The following HSFY1 variants were observed in gnomAD, a reference collection of about 807,000 sequenced individuals.
HSFY1 encodes the protein heat shock transcription factor Y-linked 1, also known as heat shock transcription factor, Y-linked.
downstream of HSFY1, among the ~76,000 whole-genome samples, chrY:18,550,399 TATACAC>T: frequency 2.4e-3 from 7 of 2,870 alleles, no homozygotes; most frequent in African/African-American, 1.0e-2. Flanking sequence ...TGTGTGTGTA[TATACAC>T]ACACACACAC....
intron 1 of HSFY1, among the ~76,000 whole-genome samples, chrY:18,561,391 CT>C (rs1251696807): frequency 5.3e-4 from 10 of 18,724 alleles, no homozygotes; most frequent in East Asian, 1.4e-3. Context: ...ACAGATTTAA[CT>C]TTTTTTTTTT....
the HSFY1 span, among the ~76,000 whole-genome samples, chrY:18,534,269 T>C: frequency 7.0e-5 from 2 of 28,502 alleles, no homozygotes; most frequent in Non-Finnish European, 1.7e-4. Context: ...AGCGTTAGGG[T>C]TTGGGTTTAC....
At chrY:18,550,401 TACAC>T (rs796809861), downstream of HSFY1, among the ~76,000 whole-genome samples, 11 of 5,238 alleles carry the variant, frequency 2.1e-3, no homozygotes, top group South Asian at 0.015. Flanking sequence ...TGTGTGTATA[TACAC>T]ACACACACAC....
intron 1 of HSFY1, among the ~76,000 whole-genome samples, chrY:18,561,255 G>GT (rs2044515843): frequency 8.4e-5 from 2 of 23,752 alleles, no homozygotes; most frequent in Non-Finnish European, 1.9e-4. Flanking sequence ...TCAGTTGAGG[G>GT]TTTTTTTTTT....
chrY:18,550,401 TACACAC>T, downstream of HSFY1, among the ~76,000 whole-genome samples: 13 of 5,246 alleles, frequency 2.5e-3, no homozygotes, highest in South Asian at 0.039. Flanking sequence ...TGTGTGTATA[TACACAC>T]ACACACACAC....
downstream of HSFY1, among the ~76,000 whole-genome samples, chrY:18,550,462 C>T (rs1191116058): frequency 0.01 from 58 of 5,537 alleles, no homozygotes; most frequent in Non-Finnish European, 0.032. Flanking sequence ...ATGTTGACTG[C>T]GGACTTACAA....
At chrY:18,550,399 TATACACAC>T (rs2044515349), downstream of HSFY1, among the ~76,000 whole-genome samples, 6 of 2,861 alleles carry the variant, frequency 2.1e-3, no homozygotes, top group African/African-American at 8.6e-3. Context: ...TGTGTGTGTA[TATACACAC>T]ACACACACAC....
At chrY:18,535,329 AG>A in the HSFY1 span, among the ~76,000 whole-genome samples, 1 of 15,361 alleles carries the variant, frequency 6.5e-5, no homozygotes, top group African/African-American at 2.6e-4. Flanking sequence ...CTTAGTGGTT[AG>A]GGTGAAGCTT....
intron 1 of HSFY1, among the ~76,000 whole-genome samples, chrY:18,561,391 C>CT (rs1251696807): frequency 3.2e-4 from 6 of 18,733 alleles, no homozygotes; most frequent in South Asian, 1.4e-3. Context: ...ACAGATTTAA[C>CT]TTTTTTTTTT....
the HSFY1 span, among the ~76,000 whole-genome samples, chrY:18,534,223 C>T: frequency 4.4e-5 from 1 of 22,616 alleles, no homozygotes; most frequent in South Asian, 1.2e-3. Flanking sequence ...AGAACTAAGG[C>T]GACAGTAAGG....
chrY:18,550,401 TACACACAC>T (rs796809861), downstream of HSFY1, among the ~76,000 whole-genome samples: 3 of 5,227 alleles, frequency 5.7e-4, no homozygotes, highest in African/African-American at 7.2e-4. Context: ...TGTGTGTATA[TACACACAC>T]ACACACACAC....
At chrY:18,531,640 G>T in the HSFY1 span, among the ~76,000 whole-genome samples, 1 of 9,043 alleles carries the variant, frequency 1.1e-4, no homozygotes, top group Non-Finnish European at 3.2e-4. Context: ...TTTATGTTAG[G>T]GTTAGATAAA....
downstream of HSFY1, among the ~76,000 whole-genome samples, chrY:18,550,401 TACACACACACACAC>T (rs796809861): frequency 0.02 from 106 of 5,240 alleles, no homozygotes; most frequent in Non-Finnish European, 0.062. Context: ...TGTGTGTATA[TACACACACACACAC>T]ACACACACAC....
the HSFY1 span, among the ~76,000 whole-genome samples, chrY:18,531,747 G>A: frequency 4.4e-5 from 1 of 22,666 alleles, no homozygotes; most frequent in Non-Finnish European, 1.1e-4. Context: ...TTTTTGAGAC[G>A]GAGTCTTGCT....
At chrY:18,561,307 A>T (rs2044515927) in intron 1 of HSFY1, among the ~76,000 whole-genome samples, 2 of 24,757 alleles carry the variant, frequency 8.1e-5, no homozygotes, top group Non-Finnish European at 1.8e-4. Flanking sequence ...TGTTTTTTTT[A>T]AAATTGGGAG....
downstream of HSFY1, among the ~76,000 whole-genome samples, chrY:18,550,433 CAT>C (rs2044515486): frequency 1.7e-3 from 12 of 7,045 alleles, no homozygotes; most frequent in African/African-American, 2.4e-3. Flanking sequence ...CACACACACA[CAT>C]GTATGTGAAT....
At chrY:18,534,386 T>G in the HSFY1 span, among the ~76,000 whole-genome samples, 1 of 6,970 alleles carries the variant, frequency 1.4e-4, no homozygotes, top group East Asian at 3.4e-3. Context: ...TCAGTGTTAG[T>G]TTTAGGGTTA....
the HSFY1 span, among the ~76,000 whole-genome samples, chrY:18,534,336 G>A: frequency 4.8e-5 from 1 of 20,842 alleles, no homozygotes; most frequent in Admixed American, 4.5e-4. Context: ...TCAGGTCCTG[G>A]TTAGGGTTTC....
At chrY:18,561,268 G>T (rs1603535940) in intron 1 of HSFY1, among the ~76,000 whole-genome samples, 8 of 24,184 alleles carry the variant, frequency 3.3e-4, no homozygotes, top group Admixed American at 8.6e-4. Flanking sequence ...TTTTTTTTTT[G>T]ATTACTCCAT....
Sources: gnomAD v4.1 joint callset for allele counts (sites outside exome capture counted in the v4.1 genomes callset) on GRCh38, gnomAD v4.1.1 for gene constraint, MANE v1.5 for transcripts, NCBI Gene and HGNC (gene_info 2026-07-23, HGNC 2026-07-21) for gene names.